The following RAC2 variants were observed in gnomAD, a reference collection of about 807,000 sequenced individuals.
The protein encoded by RAC2 is Rac family small GTPase 2, also known as ras-related C3 botulinum toxin substrate 2.
In RAC2, 1 loss-of-function variant was observed where a neutral mutation model predicts 24.0. The observed-to-expected ratio is 0.04, with a 90% CI of 0.01 to 0.20. The LOEUF is 0.20. RAC2 is among the 10% of genes least tolerant of loss of function. RAC2 has a pLI of 1.00. For missense variants in RAC2, 130 were observed against 259.1 expected (o/e 0.50, Z 3.42); for synonymous variants, 114 against 106.8 (o/e 1.07, Z -0.41).
chr22:37,230,921 G>A (rs1927039659), intron 5 of RAC2, among the ~76,000 whole-genome samples: 1 of 152,096 alleles, frequency 6.6e-6, no homozygotes, highest in South Asian at 2.1e-4. Context: ...ATACTACTAG[G>A]ACGACTACTA....
chr22:37,234,953 A>G (rs1927179726), intron 2 of RAC2, among the ~76,000 whole-genome samples: 1 of 152,158 alleles, frequency 6.6e-6, no homozygotes, highest in South Asian at 2.1e-4. Flanking sequence ...TCAGGTGACT[A>G]CTTTGCCTGG....
chr22:37,236,377 G>A (rs552170023), intron 2 of RAC2, among the ~76,000 whole-genome samples: 1 of 152,276 alleles, frequency 6.6e-6, no homozygotes, highest in African/African-American at 2.4e-5. Context: ...GACCAGAGAG[G>A]AACCTTATGC....
In RAC2 at chr22:37,226,707, G is replaced by A. The variant is rs141308774; in HGVS notation, c.545C>T (p.Thr182Met). Reference protein sequence around the residue: ...AIRAVLCPQPTRQQKRACSLL With the variant: ...AIRAVLCPQPMRQQKRACSLL ...GCTGCAGGCGCGCTTCTGCTGCCGC[G>A]TGGGCTGAGGGCACAGCACGGCCCG... The change falls in exon 6 of 7, where the codon ACG becomes ATG. Residue 182 changes from threonine to methionine, a missense_variant. Around this residue, in one of 2 missense-constraint regions of RAC2, gnomAD observed 119 missense variants for 192.1 expected, o/e 0.62. Transcript: ENST00000249071. The A allele has an allele frequency of 1.3e-4, 212 of 1,613,078 alleles. 1 individual carries two copies. The highest frequency in any genetic ancestry group is 3.6e-4 in the South Asian group (33 of 91,072).
At chr22:37,237,776 G>A (rs1317208645) in intron 2 of RAC2, among the ~76,000 whole-genome samples, 1 of 152,096 alleles carries the variant, frequency 6.6e-6, no homozygotes, top group African/African-American at 2.4e-5. Context: ...TCTAGAAACT[G>A]GCGCGATGGC....
At position 37,226,655 on chromosome 22, in the gene RAC2, A is replaced by T; in HGVS notation, c.*2+16T>A. On this transcript the variant is annotated intron_variant, in intron 6 of 6. Transcript: ENST00000249071. ...GCTGTGTATGGGAGTTGGGCACTAG[A>T]GTGGGGGACTCTTACCCCTAGAGGA... 6.2e-7 allele frequency: 1 copy of T among 1,611,916 alleles called. No individual in the cohort carries two copies. Among genetic ancestry groups the T allele is most frequent in the Non-Finnish European group, 8.5e-7 (1 of 1,178,986 alleles).
Position 37,232,854 on chromosome 22 carries a change from T to C in RAC2, c.172A>G (p.Thr58Ala). 6.2e-7 allele frequency: 1 copy of C among 1,614,102 alleles called. No individual in the cohort carries two copies. Among genetic ancestry groups the C allele is most frequent in the Non-Finnish European group, 8.5e-7 (1 of 1,180,010 alleles). ...CGGTCGTAGTCCTCCTGCCCAGCAG[T>C]GTCCCACAGCCCCAGGTTCACTGGC... ...SKPVNLGLWD[T>A]AGQEDYDRLR... Residue 58 changes from threonine to alanine, a missense_variant, in exon 3 of 7, where the codon ACT becomes GCT. Thr to Ala is a moderately conservative substitution (Grantham distance 58). Transcript: ENST00000249071.
chr22:37,237,580 T>C (rs1325376683), intron 2 of RAC2, among the ~76,000 whole-genome samples: 1 of 152,132 alleles, frequency 6.6e-6, no homozygotes, highest in East Asian at 1.9e-4. Flanking sequence ...TCCTGTCCAC[T>C]GGAATCCCAG....
Position 37,241,395 on chromosome 22 carries a change from G to A in RAC2, c.107+192C>T, listed in dbSNP as rs555481919. Reference sequence around the variant, plus strand: ...TACCCCTTCCTCCATACCCCATCCCGGGTTCTGGGAGCCCCCAGCACCTCT... The same window carrying A: ...TACCCCTTCCTCCATACCCCATCCCAGGTTCTGGGAGCCCCCAGCACCTCT... On this transcript the variant is annotated intron_variant, in intron 2 of 6. Coordinates refer to ENST00000249071, the MANE Select transcript of RAC2 (RefSeq NM_002872.5). 5.2e-4 allele frequency among the ~76,000 whole-genome samples: 79 copies of A among 152,276 alleles called. 1 individual carries two copies. The South Asian group carries it at 0.016, about 31-fold the overall frequency.
chr22:37,236,802 T>C (rs979373169), intron 2 of RAC2, among the ~76,000 whole-genome samples: 42 of 152,192 alleles, frequency 2.8e-4, no homozygotes, highest in African/African-American at 9.6e-4. Context: ...ATTGATGTCA[T>C]AGGGGCACGG....
At chr22:37,242,746 A>G (rs1927443783) in intron 1 of RAC2, among the ~76,000 whole-genome samples, 1 of 152,232 alleles carries the variant, frequency 6.6e-6, no homozygotes, top group Non-Finnish European at 1.5e-5. Flanking sequence ...GGAGCCATGC[A>G]TCAGAATCAG....
chr22:37,240,849 G>A, intron 2 of RAC2: 1 of 602,836 alleles, frequency 1.7e-6, no homozygotes, highest in Non-Finnish European at 3.0e-6. Flanking sequence ...AGAACAGCTT[G>A]AGCAAAGGCC....
At chr22:37,232,065 G>T in intron 3 of RAC2, 71 bp from the exon 4 acceptor site, 2 of 1,485,952 alleles carry the variant, frequency 1.3e-6, no homozygotes, top group South Asian at 1.2e-5. Context: ...GCCACCGAGA[G>T]GTGGAGCTTG....
intron 2 of RAC2, among the ~76,000 whole-genome samples, chr22:37,235,195 G>T (rs544008174): frequency 6.6e-6 from 1 of 152,220 alleles, no homozygotes; most frequent in East Asian, 1.9e-4. Context: ...CCTGAGAGGA[G>T]TCCCCCACAC....
intron 5 of RAC2, among the ~76,000 whole-genome samples, chr22:37,228,655 T>C (rs1382290033): frequency 6.6e-6 from 1 of 151,892 alleles, no homozygotes; most frequent in Non-Finnish European, 1.5e-5. Flanking sequence ...CCGGGGTGAG[T>C]TCCCATTTCA....
chr22:37,231,220 G>A lies in RAC2; in HGVS notation c.448+11C>T, dbSNP rs530853255. ...GCAGCCAGATCGCCCCTCTGAGCCC[G>A]AGGCCCATACCAATCTCCTTGGCCA... On this transcript the variant is annotated intron_variant, in intron 5 of 6. Transcript: ENST00000249071. This position sits in a 1 kb window ranked among gnomAD's most constrained non-coding sequence, Gnocchi z 5.5. 3.0e-4 allele frequency: 486 copies of A among 1,612,876 alleles called. 6 individuals are homozygous for A. The South Asian group carries it at 4.8e-3, about 16-fold the overall frequency.
rs909926278 is a variant in RAC2 at position 37,225,511 on chromosome 22, C to T, written c.*531G>A. The T allele has an allele frequency of 2.0e-4, 31 of 152,132 alleles. No homozygotes were observed. The highest frequency in any genetic ancestry group is 1.5e-3 in the Admixed American group (23 of 15,274). The allele number at this position is 152,132 out of a possible 1,614,324, so 9.4% of individuals were successfully genotyped here. A position where few individuals can be genotyped will look rare whatever the true frequency, so the allele number is the denominator to read the frequency against. On this transcript the variant is annotated 3_prime_UTR_variant, in exon 7 of 7. Coordinates refer to ENST00000249071, the MANE Select transcript of RAC2 (RefSeq NM_002872.5). ...AAAATTAAATTTGTTTTATGTTGTT[C>T]CAAAAGAGGAGAACTGAGGCCAGAG...
intron 2 of RAC2, chr22:37,241,119 G>A: frequency 1.3e-6 from 1 of 778,028 alleles, no homozygotes; most frequent in Non-Finnish European, 2.4e-6. Context: ...CACGTCCGAT[G>A]ACAGCCCTGC....
intron 2 of RAC2, among the ~76,000 whole-genome samples, chr22:37,238,236 T>A (rs1045769199): frequency 1.3e-5 from 2 of 151,990 alleles, no homozygotes; most frequent in African/African-American, 4.8e-5. Context: ...GAGGCTCTTT[T>A]TATTTTATTT....
Position 37,231,546 on chromosome 22 carries a change from G to T in RAC2, c.289-156C>A. On this transcript the variant is annotated intron_variant, in intron 4 of 6. Coordinates refer to ENST00000249071, the MANE Select transcript of RAC2 (RefSeq NM_002872.5). The surrounding 1 kb of genome is among the most constrained non-coding windows in gnomAD (Gnocchi z 5.5). Reference sequence around the variant, plus strand: ...CACGACGGTGAGGAGAGAGAGACGTGAGGTGGCACAGGGAGGGGAGGCCAC... The same window carrying T: ...CACGACGGTGAGGAGAGAGAGACGTTAGGTGGCACAGGGAGGGGAGGCCAC... 1 of 693,072 alleles carries T rather than the reference G, an allele frequency of 1.4e-6. No homozygotes were observed. Among genetic ancestry groups the T allele is most frequent in the South Asian group, 1.8e-5 (1 of 57,010 alleles). The allele number at this position is 693,072 out of a possible 1,614,324, so 42.9% of individuals were successfully genotyped here. A position where few individuals can be genotyped will look rare whatever the true frequency, so the allele number is the denominator to read the frequency against.
Sources: gnomAD v4.1 joint callset for allele counts (sites outside exome capture counted in the v4.1 genomes callset) on GRCh38, gnomAD v4.1.1 for gene constraint, gnomAD v4.1.1 regional missense constraint, Gnocchi (gnomAD v3.1) non-coding constraint, MANE v1.5 for transcripts, NCBI Gene and HGNC (gene_info 2026-07-23, HGNC 2026-07-21) for gene names.